Variants in NCOR1 observed in about 807,000 individuals in gnomAD.
NCOR1 encodes the protein protein phosphatase 1, regulatory subunit 109.
A neutral mutation model predicts 288.1 loss-of-function variants in NCOR1; 63 were observed. The ratio of observed to expected loss-of-function variants is 0.22; its 90% CI spans 0.18 to 0.27. The LOEUF is 0.27. Among genes scored for constraint, NCOR1 ranks in the 10% least tolerant of loss-of-function variants. NCOR1 has a pLI of 1.00. For missense variants in NCOR1, 2,397 were observed against 3,019.2 expected (o/e 0.79, Z 4.83); for synonymous variants, 1,007 against 1,065.9 (o/e 0.94, Z 1.08).
chr17:16,093,790 G>A lies in NCOR1; in HGVS notation c.2821-1732C>T, dbSNP rs143434024. Among the ~76,000 whole-genome samples, 13 of 152,190 alleles carry A rather than the reference G, an allele frequency of 8.5e-5. No homozygotes were observed. The East Asian group carries it at 2.3e-3, about 27-fold the overall frequency. ...ATCCAATGAAAATATTATTTCTTAT[G>A]CAGTCTTCTGTAAGTGTCTAATTAA... On this transcript the variant is annotated intron_variant, in intron 21 of 45. Coordinates refer to ENST00000268712, the MANE Select transcript of NCOR1 (RefSeq NM_006311.4).
At chr17:16,200,389 C>T (rs1477407797) in intron 1 of NCOR1, among the ~76,000 whole-genome samples, 1 of 145,636 alleles carries the variant, frequency 6.9e-6, no homozygotes, top group East Asian at 2.1e-4. Context: ...CCCAGCTACT[C>T]GAGAGGCTGA....
chr17:16,175,390 C>G (rs1568485485), intron 3 of NCOR1, among the ~76,000 whole-genome samples: 1 of 151,960 alleles, frequency 6.6e-6, no homozygotes. Context: ...AAAAAAAACT[C>G]TGTAGGCTTG....
intron 3 of NCOR1, among the ~76,000 whole-genome samples, chr17:16,184,561 T>C (rs1313916512): frequency 1.3e-5 from 2 of 152,052 alleles, no homozygotes; most frequent in Admixed American, 6.6e-5. Context: ...AGTCAAAAGA[T>C]AACAAATATT....
intron 42 of NCOR1, 65 bp from the exon 43 acceptor site, chr17:16,040,559 C>A (rs2152016515): frequency 7.7e-7 from 1 of 1,296,476 alleles, no homozygotes; most frequent in Non-Finnish European, 1.1e-6. Flanking sequence ...ACTAAAGTCT[C>A]AAAAAATTCC....
At chr17:16,158,606 A>C (rs2080209560) in intron 6 of NCOR1, among the ~76,000 whole-genome samples, 154 bp downstream of exon 6, 1 of 152,228 alleles carries the variant, frequency 6.6e-6, no homozygotes, top group East Asian at 1.9e-4. Context: ...AAAAAACACC[A>C]AGCTTCAGTC....
At chr17:16,177,329 T>G (rs2084397076) in intron 3 of NCOR1, among the ~76,000 whole-genome samples, 1 of 152,154 alleles carries the variant, frequency 6.6e-6, no homozygotes, top group Admixed American at 6.5e-5. Flanking sequence ...GCATAGCACT[T>G]ACGAGGCATG....
chr17:16,070,532 G>A lies in NCOR1; in HGVS notation c.4153-7C>T, dbSNP rs939391444. On this transcript the variant is annotated splice_region_variant and splice_polypyrimidine_tract_variant and intron_variant, in intron 30 of 45. Transcript: ENST00000268712. ...CAAACTTTATTGGTGTGCCCTAAAG[G>A]GAAAGAAACAAACATTACAGGTAGC... 1.6e-5 allele frequency: 25 copies of A among 1,609,312 alleles called. No individual in the cohort carries two copies. In the Middle Eastern group the frequency reaches 5.0e-4, roughly 32 times the overall value.
chr17:16,140,774 A>C (rs911704838), intron 11 of NCOR1, among the ~76,000 whole-genome samples: 2 of 152,074 alleles, frequency 1.3e-5, no homozygotes, highest in African/African-American at 2.4e-5. Context: ...AGATCGTGCC[A>C]CTGCATTCCA....
intron 13 of NCOR1, chr17:16,137,643 AG>A (rs1158625632): frequency 3.2e-6 from 1 of 313,132 alleles, no homozygotes; most frequent in East Asian, 5.2e-5. Context: ...GAAAGATGCC[AG>A]GAACTATCAG....
chr17:16,054,070 TAAAAA>T (rs752015595), intron 40 of NCOR1, among the ~76,000 whole-genome samples: 2 of 72,124 alleles, frequency 2.8e-5, no homozygotes, highest in Non-Finnish European at 3.2e-5. Flanking sequence ...GACTTAAATG[TAAAAA>T]AAAAAAAAAA....
chr17:16,124,946 C>A (rs2073741842), intron 15 of NCOR1, among the ~76,000 whole-genome samples: 1 of 152,136 alleles, frequency 6.6e-6, no homozygotes, highest in South Asian at 2.1e-4. Flanking sequence ...TTACTATAAC[C>A]CATCCCTTCT....
Position 16,061,729 on chromosome 17 carries a change from T to C in NCOR1, c.5553A>G (p.Glu1851=). The change falls in exon 37 of 46, where the codon GAA becomes GAG. Residue 1851 remains glutamate (E), a synonymous_variant. Transcript: ENST00000268712. ...CTGCTGCTGACCTGCTTCTCAAATT[T>C]TCTTCTAACCTGGCAGCTTCATGCT... ...ESKHEAARLE[E]NLRSRSAAVS... 2 of 1,614,218 alleles carry C rather than the reference T, an allele frequency of 1.2e-6. No homozygotes were observed. Among genetic ancestry groups the C allele is most frequent in the Admixed American group, 1.7e-5 (1 of 60,028 alleles).
intron 21 of NCOR1, among the ~76,000 whole-genome samples, chr17:16,093,136 A>G (rs989655023): frequency 1.3e-5 from 2 of 152,216 alleles, no homozygotes; most frequent in African/African-American, 4.8e-5. Flanking sequence ...CACTTGGGAT[A>G]TCTCAAGGAA....
Position 16,031,614 on chromosome 17 carries a change from T to G in NCOR1, c.*682A>C, listed in dbSNP as rs1387548233. ...CAGTGCTACTAATGAAAAAAAAAAA[T>G]TAAAGCCTGCACTGGAAATTTACAA... is the stretch of plus-strand genomic sequence containing the variant. On this transcript the variant is annotated 3_prime_UTR_variant, in exon 46 of 46. Transcript: ENST00000268712. 1 of 220,152 alleles carries G rather than the reference T, an allele frequency of 4.5e-6. No homozygotes were observed. Among genetic ancestry groups the G allele is most frequent in the African/African-American group, 2.3e-5 (1 of 44,432 alleles). The allele number at this position is 220,152 out of a possible 1,614,324, so 13.6% of individuals were successfully genotyped here. A position where few individuals can be genotyped will look rare whatever the true frequency, so the allele number is the denominator to read the frequency against.
At chr17:16,137,236 C>G in intron 14 of NCOR1, 75 bp downstream of exon 14, 2 of 859,800 alleles carry the variant, frequency 2.3e-6, no homozygotes, top group Non-Finnish European at 3.7e-6. Flanking sequence ...AAGGGCAGGA[C>G]TTCTGTTTTA....
At chr17:16,066,485 C>T (rs768661680) in intron 32 of NCOR1, among the ~76,000 whole-genome samples, 7 of 152,118 alleles carry the variant, frequency 4.6e-5, no homozygotes, top group Non-Finnish European at 8.8e-5. Context: ...GGCTCAAAAA[C>T]AAGCAAAAGA....
chr17:16,039,890 A>C, intron 43 of NCOR1: 1 of 458,922 alleles, frequency 2.2e-6, no homozygotes. Flanking sequence ...TCCCAGATTC[A>C]AGGGATTCTC....
At chr17:16,201,168 TAAAGAC>T (rs1306688703) in intron 1 of NCOR1, among the ~76,000 whole-genome samples, 4 of 152,292 alleles carry the variant, frequency 2.6e-5, no homozygotes, top group South Asian at 2.1e-4. Context: ...ACATCTTACT[TAAAGAC>T]AGAGAAACAA....
chr17:16,175,035 T>TAA (rs1173244552), intron 3 of NCOR1, among the ~76,000 whole-genome samples: 5 of 128,500 alleles, frequency 3.9e-5, no homozygotes, highest in Admixed American at 1.6e-4. Context: ...AACTGTGGTA[T>TAA]AAAAAAAAAA....
Sources: gnomAD v4.1 joint callset for allele counts (sites outside exome capture counted in the v4.1 genomes callset) on GRCh38, gnomAD v4.1.1 for gene constraint, MANE v1.5 for transcripts, NCBI Gene and HGNC (gene_info 2026-07-23, HGNC 2026-07-21) for gene names.